The following PAQR8 variants were observed in gnomAD, a reference collection of about 807,000 sequenced individuals.
PAQR8 encodes membrane progestin receptor beta.
A neutral mutation model predicts 25.2 loss-of-function variants in PAQR8; 17 were observed. The observed-to-expected ratio is 0.67, with a 90% CI of 0.46 to 1.01. The LOEUF (loss-of-function observed/expected upper bound fraction) is 1.01, where lower values mean the gene tolerates loss of function less well. PAQR8 is among the 50% of genes least tolerant of loss of function. The probability of loss-of-function intolerance (pLI) is 0.00; values close to 1 mark genes in which losing one functional copy is unlikely to be tolerated. For synonymous variants in PAQR8, 204 were observed against 190.6 expected, an observed-to-expected ratio of 1.07 and a Z score of -0.58; for missense variants, 392 against 448.4, an observed-to-expected ratio of 0.87 and a Z score of 1.14.
chr6:52,406,529 C>G lies in PAQR8; in HGVS notation c.*2251C>G. The G allele has an allele frequency of 2.4e-6, 1 of 413,444 alleles. No homozygotes were observed. The highest frequency in any genetic ancestry group is 4.4e-6 in the Non-Finnish European group (1 of 226,130). The allele number at this position is 413,444 out of a possible 1,614,324, so 25.6% of individuals were successfully genotyped here. A position where few individuals can be genotyped will look rare whatever the true frequency, so the allele number is the denominator to read the frequency against. On this transcript the variant is annotated 3_prime_UTR_variant, in exon 2 of 2. Coordinates refer to ENST00000442253, the MANE Select transcript of PAQR8 (RefSeq NM_133367.5). ...TATTGCCATACAATTTTAATTTATA[C>G]AAGTATTGGCCCCTCAAGTGGTTGG...
At position 52,403,380 on chromosome 6, in the gene PAQR8, G is replaced by A. The variant is rs746307084; in HGVS notation, c.167G>A (p.Arg56His). ...FREPYIRTGY[R>H]PTGHEWRYYF... is the part of the protein sequence containing the mutation. ...GAGCCTTACATCCGCACCGGCTACC[G>A]CCCCACGGGGCACGAGTGGCGCTAC... Residue 56 changes from arginine to histidine, a missense_variant, in exon 2 of 2, where the codon CGC becomes CAC. Transcript: ENST00000442253. The A allele has an allele frequency of 6.2e-7, 1 of 1,614,188 alleles. No homozygotes were observed. The highest frequency in any genetic ancestry group is 8.5e-7 in the Non-Finnish European group (1 of 1,180,040).
At chr6:52,389,522 C>T (rs532727292) in intron 1 of PAQR8, among the ~76,000 whole-genome samples, 16 of 151,422 alleles carry the variant, frequency 1.1e-4, no homozygotes, top group Admixed American at 5.3e-4. Context: ...GGGTTGGGGG[C>T]GGGGGAGGAA....
chr6:52,396,628 T>C (rs1051248641), intron 1 of PAQR8, among the ~76,000 whole-genome samples: 3 of 152,216 alleles, frequency 2.0e-5, no homozygotes, highest in African/African-American at 7.2e-5. Context: ...AGAGCCATTA[T>C]TGATGATGAA....
intron 1 of PAQR8, among the ~76,000 whole-genome samples, chr6:52,375,251 A>G (rs1283652159): frequency 6.6e-6 from 1 of 152,082 alleles, no homozygotes; most frequent in Non-Finnish European, 1.5e-5. Context: ...ACTCCAGTCC[A>G]GGCCTGGAAT....
At chr6:52,379,636 T>C (rs1263793678) in intron 1 of PAQR8, among the ~76,000 whole-genome samples, 1 of 141,906 alleles carries the variant, frequency 7.0e-6, no homozygotes. Context: ...TTTTTTTTTT[T>C]TTTTTTTTGA....
chr6:52,395,981 A>G (rs115225933), intron 1 of PAQR8, among the ~76,000 whole-genome samples: 311 of 152,310 alleles, frequency 2.0e-3, no homozygotes, highest in Middle Eastern at 0.01. Flanking sequence ...TCACCTTTGC[A>G]GAAGAGAAAG....
intron 1 of PAQR8, among the ~76,000 whole-genome samples, chr6:52,386,785 T>A (rs1763637613): frequency 6.6e-6 from 1 of 152,202 alleles, no homozygotes; most frequent in South Asian, 2.1e-4. Flanking sequence ...TATACTCTTG[T>A]AACAAACCTG....
chr6:52,373,358 C>T (rs1044155559), intron 1 of PAQR8, among the ~76,000 whole-genome samples: 1 of 152,174 alleles, frequency 6.6e-6, no homozygotes, highest in Non-Finnish European at 1.5e-5. Flanking sequence ...ATAGAAAATA[C>T]GACTGTCATT....
At chr6:52,401,330 G>C (rs1213992938) in intron 1 of PAQR8, among the ~76,000 whole-genome samples, 1 of 152,148 alleles carries the variant, frequency 6.6e-6, no homozygotes, top group Non-Finnish European at 1.5e-5. Context: ...AGATAAATCA[G>C]ATATTAAATT....
At chr6:52,377,617 G>A (rs2113938424) in intron 1 of PAQR8, among the ~76,000 whole-genome samples, 1 of 152,140 alleles carries the variant, frequency 6.6e-6, no homozygotes, top group South Asian at 2.1e-4. Flanking sequence ...TTTTGTTTAA[G>A]AGCAATTTCG....
At chr6:52,366,630 T>C (rs1763356727) in intron 1 of PAQR8, among the ~76,000 whole-genome samples, 1 of 152,162 alleles carries the variant, frequency 6.6e-6, no homozygotes, top group African/African-American at 2.4e-5. Flanking sequence ...TGGGGTGGTA[T>C]TATTGCTATA....
chr6:52,386,913 A>C lies in PAQR8; in HGVS notation c.-52-16249A>C, dbSNP rs545505870. Among the ~76,000 whole-genome samples the C allele has an allele frequency of 2.2e-3, 330 of 152,368 alleles. 1 individual carries two copies. Among genetic ancestry groups the C allele is most frequent in the African/African-American group, 7.8e-3 (325 of 41,584 alleles). On this transcript the variant is annotated intron_variant, in intron 1 of 1. Transcript: ENST00000442253. ...ACAGGTTAGGCAGGTAGGTAATTGT[A>C]ATATCATGGAGATGAAAGCTGTAGC...
intron 1 of PAQR8, among the ~76,000 whole-genome samples, chr6:52,402,906 GTC>G (rs1763852275): frequency 6.6e-6 from 1 of 152,080 alleles, no homozygotes; most frequent in South Asian, 2.1e-4. Context: ...CGACACCCCT[GTC>G]TCTACAACAA....
chr6:52,385,989 C>A (rs1023297728), intron 1 of PAQR8, among the ~76,000 whole-genome samples: 1 of 152,100 alleles, frequency 6.6e-6, no homozygotes, highest in Admixed American at 6.6e-5. Context: ...CTATAAGGAA[C>A]TTTAAATCAC....
At chr6:52,388,767 A>G (rs913892834) in intron 1 of PAQR8, among the ~76,000 whole-genome samples, 8 of 152,214 alleles carry the variant, frequency 5.3e-5, no homozygotes, top group Non-Finnish European at 1.0e-4. Context: ...AGCACCCTGA[A>G]TGGACAAAGA....
chr6:52,402,903 CCT>C (rs1278442253), intron 1 of PAQR8, among the ~76,000 whole-genome samples: 2 of 152,098 alleles, frequency 1.3e-5, no homozygotes, highest in East Asian at 3.9e-4. Context: ...TAGCGACACC[CCT>C]GTCTCTACAA....
At chr6:52,394,271 T>G (rs1017998314) in intron 1 of PAQR8, among the ~76,000 whole-genome samples, 4 of 152,210 alleles carry the variant, frequency 2.6e-5, no homozygotes, top group Non-Finnish European at 4.4e-5. Flanking sequence ...AAATGGTCTT[T>G]TATGGGTACT....
chr6:52,365,874 A>G (rs1321077442), intron 1 of PAQR8, among the ~76,000 whole-genome samples: 1 of 152,142 alleles, frequency 6.6e-6, no homozygotes, highest in African/African-American at 2.4e-5. Context: ...TTATGATTGT[A>G]TATTATGTAT....
In PAQR8 at chr6:52,404,368, T is replaced by A. The variant is rs1359134568; in HGVS notation, c.*90T>A. 2.5e-6 allele frequency: 3 copies of A among 1,184,368 alleles called. No homozygotes were observed. The African/African-American group carries it at 4.7e-5, about 18-fold the overall frequency. 73.4% of individuals were successfully genotyped at this position (1,184,368 alleles called of 1,614,324 possible). ...GAAGCTGACTTTTAAGGCATTGGCTTTTAAATTAATACATATATCCAAGGA... is the reference window on the plus strand; with the variant it reads ...GAAGCTGACTTTTAAGGCATTGGCTATTAAATTAATACATATATCCAAGGA... On this transcript the variant is annotated 3_prime_UTR_variant, in exon 2 of 2. Transcript: ENST00000442253.
Sources: gnomAD v4.1 joint callset for allele counts (sites outside exome capture counted in the v4.1 genomes callset) on GRCh38, gnomAD v4.1.1 for gene constraint, MANE v1.5 for transcripts, NCBI Gene and HGNC (gene_info 2026-07-23, HGNC 2026-07-21) for gene names.